PRSS22: variants seen among roughly 807,000 people sequenced by gnomAD.
PRSS22 encodes brain-specific serine protease 4.
In PRSS22, 26 loss-of-function variants were observed where a neutral mutation model predicts 28.0. That is an observed-to-expected ratio of 0.93 (90% CI 0.68 to 1.29). The LOEUF is 1.29. PRSS22 is among the 50% of genes most tolerant of loss of function. PRSS22 has a pLI of 0.00. For missense variants in PRSS22, 444 were observed against 422.1 expected, an observed-to-expected ratio of 1.05 and a Z score of -0.46; for synonymous variants, 217 against 177.9, an observed-to-expected ratio of 1.22 and a Z score of -1.75.
intron 4 of PRSS22, 47 bp downstream of exon 4, chr16:2,855,527 T>C: frequency 6.2e-7 from 1 of 1,605,398 alleles, no homozygotes; most frequent in Non-Finnish European, 8.5e-7. Flanking sequence ...TCTGCCATCC[T>C]CTGTCCCCAT....
rs769672751 is a variant in PRSS22, at chr16:2,856,096, G to C, written c.267C>G (p.Ala89=). ...LLTSRWVITA[A]HCFKDNLNKP... is the part of the protein sequence containing the mutation. The stretch of plus-strand genomic sequence containing the variant: ...GCTGTACATACTCCTTGAAACAGTG[G>C]GCAGCAGTGATCACCCAGCGGCTGG... The change falls in exon 3 of 6, where the codon GCC becomes GCG. Residue 89 remains alanine, a synonymous_variant. Coordinates refer to ENST00000161006, the MANE Select transcript of PRSS22 (RefSeq NM_022119.4). 4 of 1,613,886 alleles carry C rather than the reference G, an allele frequency of 2.5e-6. No individual in the cohort carries two copies. Among genetic ancestry groups the C allele is most frequent in the African/African-American group, 1.3e-5 (1 of 74,998 alleles).
chr16:2,857,613 C>A (rs914937851), intron 1 of PRSS22: 1 of 166,192 alleles, frequency 6.0e-6, no homozygotes, highest in South Asian at 1.8e-4. Flanking sequence ...GGACCAGGAC[C>A]GGCTCCTCGA....
chr16:2,853,358 C>T lies in PRSS22; in HGVS notation c.718-29G>A, dbSNP rs1403399540. ...CAGAGAGGAGGCGAGGTTAGGAACC[C>T]CCGTGGCACAGGGGGTGGCAGAATC... On this transcript the variant is annotated intron_variant, in intron 5 of 5. Transcript: ENST00000161006. This position sits in a 1 kb window ranked among gnomAD's most constrained non-coding sequence, Gnocchi z 4.6. 2 of 1,564,902 alleles carry T rather than the reference C, an allele frequency of 1.3e-6. No homozygotes were observed. Among genetic ancestry groups the T allele is most frequent in the Non-Finnish European group, 1.7e-6 (2 of 1,157,572 alleles).
Position 2,855,847 on chromosome 16 carries a change from G to C in PRSS22, c.286C>G (p.Leu96Val), listed in dbSNP as rs1293700137. 1.9e-6 allele frequency: 3 copies of C among 1,611,186 alleles called. No homozygotes were observed. The highest frequency in any genetic ancestry group is 2.5e-6 in the Non-Finnish European group (3 of 1,179,244). ...ACAGAGAACAGGTATGGTTTGTTCA[G>C]GTTGCTGGAAGGAAAGGGAAGGGGA... ...ITAAHCFKDNLNKPYLFSVLL... is the reference protein window; with the variant it reads ...ITAAHCFKDNVNKPYLFSVLL... The change falls in exon 4 of 6, where the codon CTG becomes GTG. Residue 96 changes from leucine to valine, a missense_variant. Transcript: ENST00000161006.
intron 2 of PRSS22, among the ~76,000 whole-genome samples, chr16:2,856,506 C>G (rs530772959): frequency 2.0e-5 from 3 of 152,002 alleles, no homozygotes; most frequent in African/African-American, 7.2e-5. Context: ...CATCCTCACT[C>G]TCTGCTGGTC....
At position 2,853,864 on chromosome 16, in the gene PRSS22, C is replaced by G; in HGVS notation, c.717+1G>C. 1 of 1,613,816 alleles carries G rather than the reference C, an allele frequency of 6.2e-7. No homozygotes were observed. The highest frequency in any genetic ancestry group is 8.5e-7 in the Non-Finnish European group (1 of 1,179,986). ...GGGGTGGGGGGCTCGAGGGAGCTCA[C>G]CAGACAAGCATCCCGCTCCCCCTCC... On this transcript the variant is annotated splice_donor_variant, in intron 5 of 5. Transcript: ENST00000161006. LOFTEE classifies it high-confidence loss of function. The surrounding 1 kb of genome is among the most constrained non-coding windows in gnomAD (Gnocchi z 4.6).
intron 1 of PRSS22, chr16:2,857,820 C>T: frequency 2.5e-6 from 1 of 404,768 alleles, no homozygotes; most frequent in Middle Eastern, 6.3e-4. Context: ...CCGAGGCGCG[C>T]TGCGTACTTG....
rs1170896932 is a variant in PRSS22 at position 2,857,000 on chromosome 16, A to G, written c.83-152T>C. On this transcript the variant is annotated intron_variant, in intron 1 of 5. Transcript: ENST00000161006. ...GTGGAGGTCCCAGCACCCAGTGAGG[A>G]GGGTCCCTCAGCGCCCAGTGAGGAG... 4.2e-5 allele frequency: 37 copies of G among 872,438 alleles called. 1 individual carries two copies. The highest frequency in any genetic ancestry group is 3.3e-4 in the South Asian group (22 of 66,200). The allele number at this position is 872,438 out of a possible 1,614,324, so 54.0% of individuals were successfully genotyped here. A position where few individuals can be genotyped will look rare whatever the true frequency, so the allele number is the denominator to read the frequency against.
intron 1 of PRSS22, 90 bp from the exon 2 acceptor site, chr16:2,856,938 C>G: frequency 7.0e-7 from 1 of 1,421,334 alleles, no homozygotes. Context: ...GGAAGGCCCC[C>G]AACACCCAGT....
chr16:2,856,879 G>C (rs139598555), intron 1 of PRSS22, 31 bp from the exon 2 acceptor site: 3 of 1,550,834 alleles, frequency 1.9e-6, no homozygotes, highest in Non-Finnish European at 2.6e-6. Context: ...CGGTTAGGCC[G>C]GTGAGGGGCC....
intron 4 of PRSS22, 82 bp downstream of exon 4, chr16:2,855,492 C>T: frequency 1.3e-6 from 2 of 1,508,964 alleles, no homozygotes; most frequent in Non-Finnish European, 1.8e-6. Flanking sequence ...CCCTTTGTTG[C>T]TCATGGTGTC....
At chr16:2,855,882 A>G in intron 3 of PRSS22, 31 bp from the exon 4 acceptor site, 1 of 1,598,542 alleles carries the variant, frequency 6.3e-7, no homozygotes, top group Non-Finnish European at 8.5e-7. Flanking sequence ...AGGATCAGCC[A>G]GGCCTGGTCT....
Position 2,853,174 on chromosome 16 carries a change from C to T in PRSS22, c.873G>A (p.Gly291=), listed in dbSNP as rs754002821. The T allele has an allele frequency of 2.5e-6, 4 of 1,599,450 alleles. No homozygotes were observed. The highest frequency in any genetic ancestry group is 3.4e-6 in the Non-Finnish European group (4 of 1,179,684). ...CCTGAGCGCGCCCGCGGAGCTGCAC[C>T]CCTTGCACGATCTTCTCCACCCAGG... The part of the protein sequence containing the change: ...HRSWVEKIVQ[G]VQLRGRAQGG... The change falls in exon 6 of 6, where the codon GGG becomes GGA. Residue 291 remains glycine, a synonymous_variant. Coordinates refer to ENST00000161006, the MANE Select transcript of PRSS22 (RefSeq NM_022119.4). This position sits in a 1 kb window ranked among gnomAD's most constrained non-coding sequence, Gnocchi z 4.6.
In PRSS22 at chr16:2,858,109, G is replaced by C; in HGVS notation, c.-5C>G. 7.9e-7 allele frequency: 1 copy of C among 1,261,418 alleles called. No individual in the cohort carries two copies. Among genetic ancestry groups the C allele is most frequent in the East Asian group, 3.1e-5 (1 of 31,926 alleles). The allele number at this position is 1,261,418 out of a possible 1,614,324, so 78.1% of individuals were successfully genotyped here. On this transcript the variant is annotated 5_prime_UTR_variant, in exon 1 of 6. Transcript: ENST00000161006. ...GGGCGCTCCAGAAACCACCATGGCT[G>C]GTGGGGCGGGGGAGCAGGCAGCAGG...
chr16:2,857,852 C>T (rs544486789), intron 1 of PRSS22, 171 bp downstream of exon 1: 1 of 465,300 alleles, frequency 2.1e-6, no homozygotes, highest in African/African-American at 2.0e-5. Context: ...GTTTCATCCT[C>T]ACAGCCGTAG....
At position 2,853,356 on chromosome 16, in the gene PRSS22, C is replaced by G; in HGVS notation, c.718-27G>C. On this transcript the variant is annotated intron_variant, in intron 5 of 5. Transcript: ENST00000161006. This position sits in a 1 kb window ranked among gnomAD's most constrained non-coding sequence, Gnocchi z 4.6. The stretch of plus-strand genomic sequence containing the variant: ...TGCAGAGAGGAGGCGAGGTTAGGAA[C>G]CCCCGTGGCACAGGGGGTGGCAGAA... The G allele has an allele frequency of 6.4e-7, 1 of 1,566,946 alleles. No individual in the cohort carries two copies. The highest frequency in any genetic ancestry group is 8.6e-7 in the Non-Finnish European group (1 of 1,158,748).
intron 1 of PRSS22, chr16:2,857,107 G>A (rs2069465997): frequency 3.5e-6 from 2 of 573,424 alleles, no homozygotes; most frequent in South Asian, 2.0e-5. Flanking sequence ...GTCCCTCAGC[G>A]CCCAGCGAGA....
In PRSS22 at chr16:2,856,420, AC is replaced by A. The variant is rs533158178; in HGVS notation, c.110-168del. ...CACTTGCACTCCAAGCTCCACCCAC[AC>A]CCCAAGCTCCACCCACATCCTAAGC... On this transcript the variant is annotated intron_variant, in intron 2 of 5. Coordinates refer to ENST00000161006, the MANE Select transcript of PRSS22 (RefSeq NM_022119.4). Among the ~76,000 whole-genome samples, 311 of 151,034 alleles carry A rather than the reference AC, an allele frequency of 2.1e-3. 1 individual carries two copies. Among genetic ancestry groups the A allele is most frequent in the African/African-American group, 7.3e-3 (299 of 41,056 alleles).
In PRSS22 at chr16:2,856,009, A is replaced by C. The variant is rs1318057205; in HGVS notation, c.281+73T>G. 7.0e-6 allele frequency: 11 copies of C among 1,562,568 alleles called. No homozygotes were observed. The Admixed American group carries it at 1.5e-4, about 21-fold the overall frequency. On this transcript the variant is annotated intron_variant, in intron 3 of 5. Coordinates refer to ENST00000161006, the MANE Select transcript of PRSS22 (RefSeq NM_022119.4). ...CAGAGGCCCGGAAGCAGAGCCTGTA[A>C]AGGGAGCCCAGGGCCTGGGGCACAA...
Sources: gnomAD v4.1 joint callset for allele counts (sites outside exome capture counted in the v4.1 genomes callset) on GRCh38, gnomAD v4.1.1 for gene constraint, Gnocchi (gnomAD v3.1) non-coding constraint, MANE v1.5 for transcripts, NCBI Gene and HGNC (gene_info 2026-07-23, HGNC 2026-07-21) for gene names.